Variants in COA1 observed in about 807,000 individuals in gnomAD.
COA1 encodes the protein cytochrome c oxidase assembly factor 1 homolog.
A neutral mutation model predicts 16.0 loss-of-function variants in COA1; 13 were observed. The observed-to-expected ratio is 0.81, with a 90% CI of 0.53 to 1.29. The LOEUF (loss-of-function observed/expected upper bound fraction) is 1.29. Among genes scored for constraint, COA1 ranks in the 50% most tolerant of loss-of-function variants. The pLI, the probability that COA1 is intolerant of heterozygous loss-of-function variation, is 0.00. For synonymous variants in COA1, 65 were observed against 65.7 expected, an observed-to-expected ratio of 0.99 and a Z score of 0.05; for missense variants, 179 against 177.0, an observed-to-expected ratio of 1.01 and a Z score of -0.06.
In COA1 at chr7:43,729,283, G is replaced by T. The variant is rs550913586; in HGVS notation, c.-39+146C>A. On this transcript the variant is annotated intron_variant, in intron 1 of 5. Coordinates refer to ENST00000223336, the MANE Select transcript of COA1 (RefSeq NM_018224.4). ...CTGCGCAGGGAGGCCGCGACCCGGC[G>T]CCGGCGCGAACCTCCGCGATGTGAC... 4 of 152,302 alleles carry T rather than the reference G, an allele frequency of 2.6e-5. No homozygotes were observed. In the South Asian group the frequency reaches 8.3e-4, roughly 32 times the overall value. The allele number at this position is 152,302 out of a possible 1,614,324, so 9.4% of individuals were successfully genotyped here. A position where few individuals can be genotyped will look rare whatever the true frequency, so the allele number is the denominator to read the frequency against.
intron 1 of COA1, among the ~76,000 whole-genome samples, chr7:43,692,586 AG>A (rs755115062): frequency 2.6e-5 from 4 of 152,190 alleles, no homozygotes; most frequent in Non-Finnish European, 5.9e-5. Flanking sequence ...GTGGACAGAA[AG>A]GGGCACAAGT....
At chr7:43,694,544 A>G (rs748806954) in intron 1 of COA1, among the ~76,000 whole-genome samples, 8 of 152,168 alleles carry the variant, frequency 5.3e-5, no homozygotes, top group Non-Finnish European at 1.2e-4. Context: ...CATACAGCTG[A>G]GCAGTCCTTT....
At chr7:43,619,802 A>G (rs2083690689) in intron 6 of COA1, 1 of 1,507,714 alleles carries the variant, frequency 6.6e-7, no homozygotes, top group Admixed American at 2.0e-5. Context: ...GGCATGACTC[A>G]TAGTGGAGCC....
At chr7:43,647,745 G>A (rs2089806807) in intron 2 of COA1, 111 bp from the exon 3 acceptor site, 1 of 744,784 alleles carries the variant, frequency 1.3e-6, no homozygotes, top group East Asian at 2.7e-5. Context: ...CAGAAAGGAG[G>A]CCAGACCGCC....
chr7:43,695,549 T>C (rs2094500230), intron 1 of COA1, among the ~76,000 whole-genome samples: 1 of 152,082 alleles, frequency 6.6e-6, no homozygotes, highest in South Asian at 2.1e-4. Context: ...CTAGAATGTA[T>C]GCAAATGGGA....
At chr7:43,691,071 A>AC (rs2094262718) in intron 1 of COA1, among the ~76,000 whole-genome samples, 2 of 137,236 alleles carry the variant, frequency 1.5e-5, no homozygotes, top group African/African-American at 2.9e-5. Context: ...AAAAAAAAAA[A>AC]AAAAAACAAA....
At chr7:43,663,687 A>AAC (rs1554519873) in intron 1 of COA1, among the ~76,000 whole-genome samples, 14 of 129,352 alleles carry the variant, frequency 1.1e-4, no homozygotes, top group Admixed American at 8.1e-4. Flanking sequence ...AAAAAAAAAA[A>AAC]ACACACACAC....
At chr7:43,659,217 T>C (rs10081357) in intron 1 of COA1, 22,367 of 152,132 alleles carry the variant, frequency 0.15, 2,192 homozygotes, top group Non-Finnish European at 0.21. Context: ...TTAACAGAAA[T>C]TGGGGAAAGG....
intron 1 of COA1, among the ~76,000 whole-genome samples, chr7:43,692,899 G>A (rs2094419470): frequency 1.3e-5 from 2 of 151,732 alleles, no homozygotes; most frequent in Non-Finnish European, 2.9e-5. Flanking sequence ...GTTCCTGCTT[G>A]GGATACAACC....
chr7:43,670,550 G>A (rs1189091118), intron 1 of COA1, among the ~76,000 whole-genome samples: 1 of 152,102 alleles, frequency 6.6e-6, no homozygotes, highest in Non-Finnish European at 1.5e-5. Context: ...ATATCTAGAT[G>A]GGAGAGACTG....
intron 6 of COA1, among the ~76,000 whole-genome samples, chr7:43,630,282 T>TA (rs1367698588): frequency 6.6e-6 from 1 of 152,232 alleles, no homozygotes; most frequent in African/African-American, 2.4e-5. Context: ...CATGGCAGGA[T>TA]AATCTTATGA....
At chr7:43,620,310 G>A (rs1379280369) in intron 6 of COA1, among the ~76,000 whole-genome samples, 4 of 152,198 alleles carry the variant, frequency 2.6e-5, no homozygotes, top group African/African-American at 7.2e-5. Flanking sequence ...AAGATTAATA[G>A]TTTGATGGTC....
rs147164915 is a variant in COA1 at position 43,694,258 on chromosome 7, TAA to T, written c.-39+35169_-39+35170del. ...AAAACACTATAATAGCTCCCATCTT[TAA>T]AAAAAAAAAAAAGCACTCTTAATCC... is the stretch of plus-strand genomic sequence containing the variant. On this transcript the variant is annotated intron_variant, in intron 1 of 5. Coordinates refer to ENST00000223336, the MANE Select transcript of COA1 (RefSeq NM_018224.4). 2.2e-3 allele frequency among the ~76,000 whole-genome samples: 309 copies of T among 139,160 alleles called. 2 individuals carry two copies. The highest frequency in any genetic ancestry group is 0.02 in the South Asian group (85 of 4,304). 91.3% of individuals were successfully genotyped at this position (139,160 alleles called of 152,430 possible). A position where few individuals can be genotyped will look rare whatever the true frequency, so the allele number is the denominator to read the frequency against.
chr7:43,664,370 G>A (rs1335265822), intron 1 of COA1, among the ~76,000 whole-genome samples: 4 of 152,054 alleles, frequency 2.6e-5, no homozygotes, highest in African/African-American at 9.7e-5. Flanking sequence ...AAATAATACT[G>A]TGTCCATATA....
chr7:43,630,963 T>C (rs11984341), intron 6 of COA1, among the ~76,000 whole-genome samples: 57,693 of 151,918 alleles, frequency 0.38, 10,979 homozygotes, highest in South Asian at 0.54. Flanking sequence ...ACAATTTTGC[T>C]TCCACTACCA....
At position 43,725,658 on chromosome 7, in the gene COA1, G is replaced by C. The variant is rs922100739; in HGVS notation, c.-39+3771C>G. ...GGATCACCTGAGGTCAGGAGTTCCAGACCAACCTAGCCAGCATGGTGAAAC... is the reference window on the plus strand; with the variant it reads ...GGATCACCTGAGGTCAGGAGTTCCACACCAACCTAGCCAGCATGGTGAAAC... On this transcript the variant is annotated intron_variant, in intron 1 of 5. Transcript: ENST00000223336. 7.2e-5 allele frequency among the ~76,000 whole-genome samples: 11 copies of C among 152,246 alleles called. 1 individual carries two copies. The highest frequency in any genetic ancestry group is 2.6e-4 in the African/African-American group (11 of 41,550).
intron 4 of COA1, among the ~76,000 whole-genome samples, chr7:43,644,799 C>CAGAGAGAGAGAGAGAGAGAGAGAGAGAG (rs10627279): frequency 6.6e-5 from 5 of 75,384 alleles, no homozygotes; most frequent in Middle Eastern, 6.3e-3. Context: ...GGCAGAGAGA[C>CAGAGAGAGAGAGAGAGAGAGAGAGAGAG]AGAGAGAGAG....
intron 1 of COA1, among the ~76,000 whole-genome samples, chr7:43,713,335 TAAG>T (rs907929345): frequency 6.6e-6 from 1 of 152,200 alleles, no homozygotes; most frequent in African/African-American, 2.4e-5. Context: ...TTCCTTCTGG[TAAG>T]AACACTCAAA....
intron 1 of COA1, among the ~76,000 whole-genome samples, chr7:43,704,372 G>C (rs931577296): frequency 6.6e-6 from 1 of 152,162 alleles, no homozygotes; most frequent in African/African-American, 2.4e-5. Flanking sequence ...CTATAGCAAG[G>C]TTGGGGAAAT....
Sources: allele counts gnomAD v4.1 joint callset (sites outside exome capture counted in the v4.1 genomes callset), GRCh38; gene constraint gnomAD v4.1.1; transcripts MANE v1.5; gene names NCBI Gene and HGNC (gene_info 2026-07-23, HGNC 2026-07-21).